Variants in H2AZ2 observed in about 807,000 individuals in gnomAD.
H2AZ2 encodes histone H2A.V.
Under a neutral mutation model 15.5 loss-of-function variants are expected in H2AZ2, and 5 were observed. The ratio of observed to expected loss-of-function variants is 0.32; its 90% CI spans 0.17 to 0.68. The LOEUF is 0.68. Ranked by LOEUF, H2AZ2 falls within the 30% of genes least tolerant of loss-of-function variation. The pLI is 0.72. For missense variants in H2AZ2, 42 were observed against 162.5 expected, an observed-to-expected ratio of 0.26 and a Z score of 4.03; for synonymous variants, 44 against 57.4, an observed-to-expected ratio of 0.77 and a Z score of 1.05.
rs764441210 is a variant in H2AZ2 at position 44,834,599 on chromosome 7, A to G, written c.326-37T>C. ...TTTAAAAAAGTTATTAAAAACTTTT[A>G]AAGTTTTTGCCTCAAGTAAAAAGTT... is the stretch of plus-strand genomic sequence containing the variant. On this transcript the variant is annotated intron_variant, in intron 4 of 4. Coordinates refer to ENST00000308153, the MANE Select transcript of H2AZ2 (RefSeq NM_012412.5). 1.3e-5 allele frequency: 20 copies of G among 1,555,208 alleles called. No individual in the cohort carries two copies. In the African/African-American group the frequency reaches 2.5e-4, roughly 19 times the overall value.
chr7:44,846,461 C>G (rs990155702), intron 1 of H2AZ2, among the ~76,000 whole-genome samples: 1 of 151,772 alleles, frequency 6.6e-6, no homozygotes, highest in African/African-American at 2.4e-5. Flanking sequence ...ACTAAAAATA[C>G]AAAAAATTAG....
At chr7:44,844,676 G>C (rs561547668) in intron 1 of H2AZ2, among the ~76,000 whole-genome samples, 1 of 152,108 alleles carries the variant, frequency 6.6e-6, no homozygotes, top group Non-Finnish European at 1.5e-5. Flanking sequence ...AATGGGTAGA[G>C]TTTCCACTTG....
rs1381567382 is a variant in H2AZ2, at chr7:44,832,548, T to C, written c.*1953A>G. Among the ~76,000 whole-genome samples, 1 of 152,228 alleles carries C rather than the reference T, an allele frequency of 6.6e-6. No individual in the cohort carries two copies. Among genetic ancestry groups the C allele is most frequent in the Non-Finnish European group, 1.5e-5 (1 of 68,050 alleles). ...AAATGTTTTTAAAAATGAGTTTGGA[T>C]AGCATTATACTATAAAATATTTTAA... is the stretch of plus-strand genomic sequence containing the variant. On this transcript the variant is annotated 3_prime_UTR_variant, in exon 5 of 5. Coordinates refer to ENST00000308153, the MANE Select transcript of H2AZ2 (RefSeq NM_012412.5).
chr7:44,841,244 T>A lies in H2AZ2; in HGVS notation c.82-232A>T, dbSNP rs6966546. 0.75 allele frequency among the ~76,000 whole-genome samples: 113,415 copies of A among 152,078 alleles called. 45,179 individuals are homozygous for A. The highest frequency in any genetic ancestry group is 0.9 in the Non-Finnish European group (61,390 of 68,020). The stretch of plus-strand genomic sequence containing the variant: ...GAAATATCACTCTAAAATGAAGAAA[T>A]ACCACGCTGGGCTGTCATCAACTGT... On this transcript the variant is annotated intron_variant, in intron 2 of 4. Transcript: ENST00000308153.
chr7:44,833,603 G>A lies in H2AZ2; in HGVS notation c.*898C>T, dbSNP rs1187941762. The A allele has an allele frequency of 3.9e-6, 3 of 761,808 alleles. No homozygotes were observed. Among genetic ancestry groups the A allele is most frequent in the Non-Finnish European group, 3.2e-6 (2 of 625,660 alleles). The allele number at this position is 761,808 out of a possible 1,614,324, so 47.2% of individuals were successfully genotyped here. On this transcript the variant is annotated 3_prime_UTR_variant, in exon 5 of 5. Coordinates refer to ENST00000308153, the MANE Select transcript of H2AZ2 (RefSeq NM_012412.5). ...TGACCTCAAGTGTTCCACCAGCCTC[G>A]GTCTCCCGAAGTGTTGGGATTACAG...
intron 1 of H2AZ2, among the ~76,000 whole-genome samples, chr7:44,846,897 TA>T (rs1270707546): frequency 4.6e-5 from 7 of 152,196 alleles, no homozygotes; most frequent in Non-Finnish European, 1.0e-4. Context: ...CAATTATCCC[TA>T]AAGTCTATTC....
chr7:44,833,157 T>C lies in H2AZ2; in HGVS notation c.*1344A>G, dbSNP rs1793032057. Reference sequence around the variant, plus strand: ...CTGCCTCCTGGGTTCAAGTGATTTTTTGTGCCCCAGTGCCCCAAGTAGTTG... The same window carrying C: ...CTGCCTCCTGGGTTCAAGTGATTTTCTGTGCCCCAGTGCCCCAAGTAGTTG... On this transcript the variant is annotated 3_prime_UTR_variant, in exon 5 of 5. Coordinates refer to ENST00000308153, the MANE Select transcript of H2AZ2 (RefSeq NM_012412.5). 6.6e-6 allele frequency among the ~76,000 whole-genome samples: 1 copy of C among 152,020 alleles called. No homozygotes were observed. Among genetic ancestry groups the C allele is most frequent in the South Asian group, 2.1e-4 (1 of 4,814 alleles).
chr7:44,843,125 G>A (rs554473164), intron 2 of H2AZ2, 152 bp downstream of exon 2: 67 of 390,958 alleles, frequency 1.7e-4, no homozygotes, highest in Middle Eastern at 7.2e-4. Flanking sequence ...ACGACAGAGT[G>A]AGACTCTGTC....
At chr7:44,841,752 A>C (rs1793280963) in intron 2 of H2AZ2, among the ~76,000 whole-genome samples, 1 of 152,182 alleles carries the variant, frequency 6.6e-6, no homozygotes, top group South Asian at 2.1e-4. Flanking sequence ...TACAGGCATG[A>C]GCCACTGTGC....
chr7:44,830,889 C>T (rs1029132144), downstream of H2AZ2, among the ~76,000 whole-genome samples: 1 of 152,176 alleles, frequency 6.6e-6, no homozygotes, highest in African/African-American at 2.4e-5. Flanking sequence ...GGCATGGTGG[C>T]GCATGCCTGT....
intron 4 of H2AZ2, 76 bp downstream of exon 4, chr7:44,835,453 A>C: frequency 8.1e-7 from 1 of 1,228,362 alleles, no homozygotes; most frequent in East Asian, 2.4e-5. Flanking sequence ...CCGATCAAAT[A>C]TACTATATCA....
Position 44,834,294 on chromosome 7 carries a change from A to G in H2AZ2, c.*207T>C, listed in dbSNP as rs1185215815. The G allele has an allele frequency of 7.8e-7, 1 of 1,287,984 alleles. No homozygotes were observed. Among genetic ancestry groups the G allele is most frequent in the Non-Finnish European group, 9.9e-7 (1 of 1,014,862 alleles). 79.8% of individuals were successfully genotyped at this position (1,287,984 alleles called of 1,614,324 possible). A position where few individuals can be genotyped will look rare whatever the true frequency, so the allele number is the denominator to read the frequency against. On this transcript the variant is annotated 3_prime_UTR_variant, in exon 5 of 5. Coordinates refer to ENST00000308153, the MANE Select transcript of H2AZ2 (RefSeq NM_012412.5). Reference sequence around the variant, plus strand: ...AAAACACACGGGAGAAACCTAGCCAATCAACACACAACTGTCACCACATGA... The same window carrying G: ...AAAACACACGGGAGAAACCTAGCCAGTCAACACACAACTGTCACCACATGA...
rs1379497262 is a variant in H2AZ2, at chr7:44,833,407, T to A, written c.*1094A>T. On this transcript the variant is annotated 3_prime_UTR_variant, in exon 5 of 5. Transcript: ENST00000308153. ...GCCACCACACCCGGCTAATTTTTTG[T>A]ATTTTTTTAAATAGAGACGGGGTTT... 1.4e-5 allele frequency among the ~76,000 whole-genome samples: 2 copies of A among 147,516 alleles called. No homozygotes were observed. The highest frequency in any genetic ancestry group is 6.6e-5 in the Admixed American group (1 of 15,124).
intron 2 of H2AZ2, 122 bp downstream of exon 2, chr7:44,843,137 CAAAAAAAAAAAAAAAAAA>C (rs55941046): frequency 0.011 from 973 of 86,092 alleles, 10 homozygotes; most frequent in African/African-American, 0.023. Flanking sequence ...GACTCTGTCT[CAAAAAAAAAAAAAAAAAA>C]AAAAAAAAAA....
downstream of H2AZ2, chr7:44,829,932 G>A: frequency 2.1e-6 from 1 of 482,982 alleles, no homozygotes; most frequent in Admixed American, 3.8e-5. Context: ...CTCATGCAAG[G>A]AAAAGCGCTC....
chr7:44,846,990 CTA>C (rs1793427869), intron 1 of H2AZ2, among the ~76,000 whole-genome samples: 1 of 152,138 alleles, frequency 6.6e-6, no homozygotes, highest in Non-Finnish European at 1.5e-5. Context: ...GGTGTTATGT[CTA>C]TTCAATACCA....
intron 1 of H2AZ2, among the ~76,000 whole-genome samples, chr7:44,844,531 T>C (rs1793352217): frequency 6.6e-6 from 1 of 152,140 alleles, no homozygotes; most frequent in Non-Finnish European, 1.5e-5. Flanking sequence ...TTTTTGTATT[T>C]TTAGTACCAA....
chr7:44,834,004 TATC>T lies in H2AZ2; in HGVS notation c.*494_*496del, dbSNP rs372363328. 5 of 230,424 alleles carry T rather than the reference TATC, an allele frequency of 2.2e-5. No homozygotes were observed. The highest frequency in any genetic ancestry group is 1.2e-4 in the African/African-American group (5 of 42,878). The allele number at this position is 230,424 out of a possible 1,614,324, so 14.3% of individuals were successfully genotyped here. ...TTGGGATGTCTCATAATTGATGGCA[TATC>T]ATGATTTAATTGGCAGGTTTTTTCC... On this transcript the variant is annotated 3_prime_UTR_variant, in exon 5 of 5. Transcript: ENST00000308153.
chr7:44,846,226 C>T (rs1179712825), intron 1 of H2AZ2, among the ~76,000 whole-genome samples: 1 of 152,142 alleles, frequency 6.6e-6, no homozygotes, highest in Non-Finnish European at 1.5e-5. Context: ...CTCAATGTCT[C>T]CTGCATTTTT....
Sources: allele counts gnomAD v4.1 joint callset (sites outside exome capture counted in the v4.1 genomes callset), GRCh38; gene constraint gnomAD v4.1.1; transcripts MANE v1.5; gene names NCBI Gene and HGNC (gene_info 2026-07-23, HGNC 2026-07-21).